Variants in KCNIP2 observed in about 807,000 individuals in gnomAD.
KCNIP2 encodes potassium voltage-gated channel interacting protein 2.
A neutral mutation model predicts 39.0 loss-of-function variants in KCNIP2; 19 were observed. That is an observed-to-expected ratio of 0.49 (90% CI 0.34 to 0.71). The LOEUF is 0.71. Among genes scored for constraint, KCNIP2 ranks in the 30% least tolerant of loss-of-function variants. The pLI, the probability that KCNIP2 is intolerant of heterozygous loss-of-function variation, is 0.01. For synonymous variants in KCNIP2, 111 were observed against 131.2 expected, an observed-to-expected ratio of 0.85 and a Z score of 1.05; for missense variants, 261 against 346.0, an observed-to-expected ratio of 0.75 and a Z score of 1.95.
At chr10:101,839,899 T>G in intron 1 of KCNIP2, 1 of 1,504,874 alleles carries the variant, frequency 6.6e-7, no homozygotes, top group African/African-American at 1.4e-5. Context: ...CGGTCCGGTC[T>G]CCGCCCTCAC....
In KCNIP2 at chr10:101,831,109, C is replaced by T. The variant is rs1406535683; in HGVS notation, c.132G>A (p.Pro44=). 6.2e-7 allele frequency: 1 copy of T among 1,613,764 alleles called. No homozygotes were observed. Among genetic ancestry groups the T allele is most frequent in the Non-Finnish European group, 8.5e-7 (1 of 1,179,922 alleles). The change falls in exon 2 of 10, where the codon CCG becomes CCA. Residue 44 remains proline, a synonymous_variant. Coordinates refer to ENST00000356640, the MANE Select transcript of KCNIP2 (RefSeq NM_173191.3). ...ALKQRFLKLL[P]CCGPQALPSV... is the part of the protein sequence containing the mutation. Reference sequence around the variant, plus strand: ...AGGGCAGGGCTTGGGGCCCGCAGCACGGCAGCAGCTTGAGGAATCGCTGCT... The same window carrying T: ...AGGGCAGGGCTTGGGGCCCGCAGCATGGCAGCAGCTTGAGGAATCGCTGCT...
intron 1 of KCNIP2, among the ~76,000 whole-genome samples, chr10:101,832,380 C>T (rs1223323479): frequency 6.6e-6 from 1 of 151,072 alleles, no homozygotes; most frequent in Non-Finnish European, 1.5e-5. Flanking sequence ...ATTCCTGGAT[C>T]AGATCCCACT....
At chr10:101,832,273 C>T (rs530409148) in intron 1 of KCNIP2, among the ~76,000 whole-genome samples, 26 of 151,036 alleles carry the variant, frequency 1.7e-4, no homozygotes, top group African/African-American at 5.9e-4. Flanking sequence ...TCTAATTGCA[C>T]CCCCAGAGGA....
intron 1 of KCNIP2, among the ~76,000 whole-genome samples, chr10:101,840,456 CTG>C (rs1008665794): frequency 6.6e-6 from 1 of 151,482 alleles, no homozygotes; most frequent in Non-Finnish European, 1.5e-5. Context: ...GCTCTCATAA[CTG>C]TTTCTATTTG....
At position 101,831,099 on chromosome 10, in the gene KCNIP2, GC is replaced by G; in HGVS notation, c.141del (p.Gln49LysfsTer10). On this transcript the variant is annotated frameshift_variant, in exon 2 of 10. Transcript: ENST00000356640. LOFTEE classifies it high-confidence loss of function. ...TCACTGACTGAGGGCAGGGCTTGGG[GC>G]CCGCAGCACGGCAGCAGCTTGAGGA... Reference protein sequence around the residue: ...QRFLKLLPCCGPQALPSVSET... With the variant: ...QRFLKLLPCCXPQALPSVSET... 3 of 1,613,782 alleles carry G rather than the reference GC, an allele frequency of 1.9e-6. No individual in the cohort carries two copies. The highest frequency in any genetic ancestry group is 1.1e-5 in the South Asian group (1 of 91,046).
At position 101,828,459 on chromosome 10, in the gene KCNIP2, T is replaced by C; in HGVS notation, c.419A>G (p.Asp140Gly). 1 of 1,613,726 alleles carries C rather than the reference T, an allele frequency of 6.2e-7. No homozygotes were observed. The highest frequency in any genetic ancestry group is 8.5e-7 in the Non-Finnish European group (1 of 1,179,960). ...QIYSQFFPQG[D>G]SSTYATFLFN... Reference sequence around the variant, plus strand: ...GAGAAAAGTGGCATAGGTGCTGGAGTCTGCAGGGTGAGTGTGGAGAAGTTG... The same window carrying C: ...GAGAAAAGTGGCATAGGTGCTGGAGCCTGCAGGGTGAGTGTGGAGAAGTTG... Residue 140 changes from aspartate to glycine, a missense_variant and splice_region_variant, in exon 6 of 10, where the codon GAC becomes GGC. Physicochemically the swap from Asp to Gly is moderately conservative, Grantham distance 94 (BLOSUM62 -1). Coordinates refer to ENST00000356640, the MANE Select transcript of KCNIP2 (RefSeq NM_173191.3). This position sits in a 1 kb window ranked among gnomAD's most constrained non-coding sequence, Gnocchi z 6.6.
At chr10:101,836,252 C>T (rs2066154668) in intron 1 of KCNIP2, among the ~76,000 whole-genome samples, 1 of 151,358 alleles carries the variant, frequency 6.6e-6, no homozygotes, top group South Asian at 2.1e-4. Flanking sequence ...GAAGATGACG[C>T]TTCACACAGG....
In KCNIP2 at chr10:101,830,780, A is replaced by ACACG. The variant is rs990978925; in HGVS notation, c.169+291_169+292insCGTG. Among the ~76,000 whole-genome samples the ACACG allele has an allele frequency of 7.2e-4, 95 of 132,202 alleles. 1 individual carries two copies. The highest frequency in any genetic ancestry group is 2.5e-4 in the South Asian group (1 of 3,928). The allele number at this position is 132,202 out of a possible 152,430, so 86.7% of individuals were successfully genotyped here. A position where few individuals can be genotyped will look rare whatever the true frequency, so the allele number is the denominator to read the frequency against. On this transcript the variant is annotated intron_variant, in intron 2 of 9. Coordinates refer to ENST00000356640, the MANE Select transcript of KCNIP2 (RefSeq NM_173191.3). ...GGCACGCCTCCCCATACACACACAC[A>ACACG]CGCGCGCGGGCCTGGGGCACGCCCT...
intron 1 of KCNIP2, among the ~76,000 whole-genome samples, chr10:101,836,004 C>T (rs2066144637): frequency 1.3e-5 from 2 of 152,312 alleles, no homozygotes; most frequent in South Asian, 4.1e-4. Context: ...AGAAAGCTGG[C>T]CCAGCCAGGA....
rs2135198047 is a variant in KCNIP2, at chr10:101,838,670, T to C, written c.73+4826A>G. On this transcript the variant is annotated intron_variant, in intron 1 of 9. Transcript: ENST00000356640. This position sits in a 1 kb window ranked among gnomAD's most constrained non-coding sequence, Gnocchi z 4.0. ...AGGCCCAAGCAGGGGGCTTGGAGGT[T>C]GTATGCTCCCCAGAAGATTTCCAGG... Among the ~76,000 whole-genome samples the C allele has an allele frequency of 6.6e-6, 1 of 152,308 alleles. No homozygotes were observed. The highest frequency in any genetic ancestry group is 1.9e-4 in the East Asian group (1 of 5,182).
rs890805394 is a variant in KCNIP2 at position 101,838,834 on chromosome 10, G to A, written c.73+4662C>T. Among the ~76,000 whole-genome samples, 18 of 152,248 alleles carry A rather than the reference G, an allele frequency of 1.2e-4. No homozygotes were observed. The highest frequency in any genetic ancestry group is 4.1e-4 in the African/African-American group (17 of 41,462). The stretch of plus-strand genomic sequence containing the variant: ...GCCAGAAAATGACAGATCTCAGAAT[G>A]CCACAGGACCAGGTTGTTTTGGTCT... On this transcript the variant is annotated intron_variant, in intron 1 of 9. Coordinates refer to ENST00000356640, the MANE Select transcript of KCNIP2 (RefSeq NM_173191.3). The surrounding 1 kb of genome is among the most constrained non-coding windows in gnomAD (Gnocchi z 4.0).
chr10:101,827,848 C>T (rs1451019942), intron 8 of KCNIP2, 41 bp downstream of exon 8: 3 of 1,566,620 alleles, frequency 1.9e-6, no homozygotes, highest in Non-Finnish European at 2.6e-6. Flanking sequence ...GGCCTTCTTC[C>T]CTTCACTCCA....
At chr10:101,834,443 C>G (rs961964547) in intron 1 of KCNIP2, 5 of 398,886 alleles carry the variant, frequency 1.3e-5, no homozygotes, top group African/African-American at 1.0e-4. Flanking sequence ...CCACCTCCCC[C>G]TCAGACTCCC....
chr10:101,843,324 C>T lies in KCNIP2; in HGVS notation c.73+172G>A, dbSNP rs965686541. 2.6e-5 allele frequency among the ~76,000 whole-genome samples: 4 copies of T among 152,258 alleles called. No homozygotes were observed. The highest frequency in any genetic ancestry group is 7.2e-5 in the African/African-American group (3 of 41,470). ...TGCCTCTTCTGTTCCTCCCCAACCC[C>T]TGCGGGACCCAAGGCTTTGAACCCC... On this transcript the variant is annotated intron_variant, in intron 1 of 9. Coordinates refer to ENST00000356640, the MANE Select transcript of KCNIP2 (RefSeq NM_173191.3). This position sits in a 1 kb window ranked among gnomAD's most constrained non-coding sequence, Gnocchi z 6.7.
At chr10:101,831,232 T>TC in intron 1 of KCNIP2, 65 bp from the exon 2 acceptor site, 1 of 1,209,288 alleles carries the variant, frequency 8.3e-7, no homozygotes, top group South Asian at 1.5e-5. Flanking sequence ...CCCTGTCCCC[T>TC]CCCCGCCAGT....
At chr10:101,831,822 A>G (rs1384434332) in intron 1 of KCNIP2, among the ~76,000 whole-genome samples, 1 of 152,220 alleles carries the variant, frequency 6.6e-6, no homozygotes, top group African/African-American at 2.4e-5. Context: ...TGAGTCTACA[A>G]AGAACACTAT....
rs1458088633 is a variant in KCNIP2, at chr10:101,826,330, TTCTAG to T, written c.*1018_*1022del. Reference sequence around the variant, plus strand: ...GGGGAGAGCCCAGGTTGATTGAAGATTCTAGTGAATGCCCCCACACTGGGTTCAGA... The same window carrying T: ...GGGGAGAGCCCAGGTTGATTGAAGATTGAATGCCCCCACACTGGGTTCAGA... On this transcript the variant is annotated 3_prime_UTR_variant, in exon 10 of 10. Transcript: ENST00000356640. 1 of 152,564 alleles carries T rather than the reference TTCTAG, an allele frequency of 6.6e-6. No homozygotes were observed. Among genetic ancestry groups the T allele is most frequent in the Non-Finnish European group, 1.5e-5 (1 of 68,104 alleles). The allele number at this position is 152,564 out of a possible 1,614,324, so 9.5% of individuals were successfully genotyped here.
intron 3 of KCNIP2, chr10:101,829,454 C>T: frequency 2.0e-6 from 1 of 502,958 alleles, no homozygotes. Flanking sequence ...GCCCCGCGGC[C>T]CTCGATCCCT....
chr10:101,830,987 C>G, intron 2 of KCNIP2, 85 bp downstream of exon 2: 3 of 1,232,830 alleles, frequency 2.4e-6, no homozygotes, highest in Non-Finnish European at 3.5e-6. Flanking sequence ...CACTCGCAGG[C>G]CTGGGGCACA....
Sources: gnomAD v4.1 joint callset for allele counts (sites outside exome capture counted in the v4.1 genomes callset) on GRCh38, gnomAD v4.1.1 for gene constraint, Gnocchi (gnomAD v3.1) non-coding constraint, MANE v1.5 for transcripts, NCBI Gene and HGNC (gene_info 2026-07-23, HGNC 2026-07-21) for gene names.